Variants in PIEZO2 observed in about 807,000 individuals in gnomAD.
The protein encoded by PIEZO2 is piezo type mechanosensitive ion channel component 2.
Under a neutral mutation model 337.3 loss-of-function variants are expected in PIEZO2, and 172 were observed. The observed-to-expected ratio is 0.51, with a 90% CI of 0.45 to 0.58. The LOEUF (loss-of-function observed/expected upper bound fraction) is 0.58, where lower values mean the gene tolerates loss of function less well. Ranked by LOEUF, PIEZO2 falls within the 20% of genes least tolerant of loss-of-function variation. PIEZO2 has a pLI of 0.00. For missense variants in PIEZO2, 3,028 were observed against 3,391.3 expected (o/e 0.89, Z 2.66); for synonymous variants, 1,251 against 1,228.5 (o/e 1.02, Z -0.38).
Position 11,105,111 on chromosome 18 carries a change from C to G in PIEZO2, c.65-38889G>C, listed in dbSNP as rs2039522903. 6.6e-6 allele frequency among the ~76,000 whole-genome samples: 1 copy of G among 152,154 alleles called. No individual in the cohort carries two copies. The highest frequency in any genetic ancestry group is 1.5e-5 in the Non-Finnish European group (1 of 68,040). ...ACACCACCACAGAAGAAAACATAGC[C>G]AAGAAATGGAGAAGGGGAGTGAGGT... On this transcript the variant is annotated intron_variant, in intron 1 of 55. Coordinates refer to ENST00000674853, the MANE Select transcript of PIEZO2 (RefSeq NM_001378183.1). This position sits in a 1 kb window ranked among gnomAD's most constrained non-coding sequence, Gnocchi z 4.3.
At chr18:10,687,490 G>A (rs1458127614) in intron 49 of PIEZO2, among the ~76,000 whole-genome samples, 1 of 151,742 alleles carries the variant, frequency 6.6e-6, no homozygotes, top group Non-Finnish European at 1.5e-5. Context: ...ATAAGAATGT[G>A]CTTAGTCTTA....
At position 10,867,390 on chromosome 18, in the gene PIEZO2, T is replaced by A. The variant is rs558674487; in HGVS notation, c.492+3863A>T. Among the ~76,000 whole-genome samples the A allele has an allele frequency of 2.0e-4, 30 of 152,346 alleles. No homozygotes were observed. The South Asian group carries it at 3.7e-3, about 19-fold the overall frequency. On this transcript the variant is annotated intron_variant, in intron 5 of 55. Coordinates refer to ENST00000674853, the MANE Select transcript of PIEZO2 (RefSeq NM_001378183.1). Reference sequence around the variant, plus strand: ...GTCATGTGCTAGAATGCAGATGCTGTGACAGGCTAATAGACACTAGGAATT... The same window carrying A: ...GTCATGTGCTAGAATGCAGATGCTGAGACAGGCTAATAGACACTAGGAATT...
At chr18:11,067,602 A>T (rs147952335) in intron 1 of PIEZO2, among the ~76,000 whole-genome samples, 1 of 152,376 alleles carries the variant, frequency 6.6e-6, no homozygotes, top group Admixed American at 6.5e-5. Flanking sequence ...GACTTATATC[A>T]GATAAAATAG....
chr18:10,733,863 A>G (rs1355653001), intron 35 of PIEZO2, among the ~76,000 whole-genome samples: 1 of 152,244 alleles, frequency 6.6e-6, no homozygotes, highest in African/African-American at 2.4e-5. Flanking sequence ...GGAAATTTAC[A>G]TGAAAGACCT....
rs112892854 is a variant in PIEZO2, at chr18:10,813,257, G to C, written c.918-5983C>G. On this transcript the variant is annotated intron_variant, in intron 7 of 55. Coordinates refer to ENST00000674853, the MANE Select transcript of PIEZO2 (RefSeq NM_001378183.1). This position sits in a 1 kb window ranked among gnomAD's most constrained non-coding sequence, Gnocchi z 4.2. ...GCCTCCCAAAGTGCTGGCATTACAG[G>C]AGTGAGCCACCGCGCCCGGGCCATT... is the stretch of plus-strand genomic sequence containing the variant. Among the ~76,000 whole-genome samples the C allele has an allele frequency of 6.7e-3, 1,013 of 152,298 alleles. 11 individuals are homozygous for C. Among genetic ancestry groups the C allele is most frequent in the African/African-American group, 0.021 (881 of 41,568 alleles).
At chr18:10,709,236 C>G (rs1055836419) in intron 39 of PIEZO2, 1 of 152,222 alleles carries the variant, frequency 6.6e-6, no homozygotes, top group Non-Finnish European at 1.5e-5. Context: ...GCCCTCATCT[C>G]CTGGTACCCA....
intron 4 of PIEZO2, among the ~76,000 whole-genome samples, chr18:10,886,364 ATATATGTGTGTGTGTG>A (rs1238464958): frequency 1.0e-3 from 10 of 9,702 alleles, no homozygotes; most frequent in South Asian, 8.2e-3. Flanking sequence ...ACACACACAT[ATATATGTGTGTGTGTG>A]TATATATATA....
In PIEZO2 at chr18:10,746,621, G is replaced by A. The variant is rs2037433642; in HGVS notation, c.4424+1850C>T. Among the ~76,000 whole-genome samples, 1 of 152,176 alleles carries A rather than the reference G, an allele frequency of 6.6e-6. No individual in the cohort carries two copies. Among genetic ancestry groups the A allele is most frequent in the South Asian group, 2.1e-4 (1 of 4,830 alleles). On this transcript the variant is annotated intron_variant, in intron 30 of 55. Coordinates refer to ENST00000674853, the MANE Select transcript of PIEZO2 (RefSeq NM_001378183.1). This position sits in a 1 kb window ranked among gnomAD's most constrained non-coding sequence, Gnocchi z 4.2. ...ACATGTGGAAATCCTGACTCCCAAGGTGACGGACAGGAGGTAAGGCCTTTT... is the reference window on the plus strand; with the variant it reads ...ACATGTGGAAATCCTGACTCCCAAGATGACGGACAGGAGGTAAGGCCTTTT...
In PIEZO2 at chr18:10,809,260, C is replaced by CTTTTTTTTTT. The variant is rs869210659; in HGVS notation, c.918-1996_918-1987dup. On this transcript the variant is annotated intron_variant, in intron 7 of 55. Transcript: ENST00000674853. ...ACCTAAGATTTCTCTCTCTCTCTCTCTTTTTTTTTTTTTTTTTTTTTTTTT... is the reference window on the plus strand; with the variant it reads ...ACCTAAGATTTCTCTCTCTCTCTCTCTTTTTTTTTTTTTTTTTTTTTTTTTTTTTTTTTTT... Among the ~76,000 whole-genome samples, 24 of 65,834 alleles carry CTTTTTTTTTT rather than the reference C, an allele frequency of 3.6e-4. 3 individuals carry two copies. Among genetic ancestry groups the CTTTTTTTTTT allele is most frequent in the African/African-American group, 1.1e-3 (18 of 17,000 alleles). The allele number at this position is 65,834 out of a possible 152,430, so 43.2% of individuals were successfully genotyped here. A position where few individuals can be genotyped will look rare whatever the true frequency, so the allele number is the denominator to read the frequency against.
chr18:10,976,853 G>T (rs1286610923), intron 3 of PIEZO2, among the ~76,000 whole-genome samples: 1 of 152,140 alleles, frequency 6.6e-6, no homozygotes, highest in East Asian at 1.9e-4. Context: ...CAAGAGGCCA[G>T]CTGTGACTAC....
In PIEZO2 at chr18:10,877,794, C is replaced by T. The variant is rs1202202669; in HGVS notation, c.330-6379G>A. Among the ~76,000 whole-genome samples, 2 of 152,126 alleles carry T rather than the reference C, an allele frequency of 1.3e-5. No individual in the cohort carries two copies. Among genetic ancestry groups the T allele is most frequent in the Non-Finnish European group, 2.9e-5 (2 of 68,008 alleles). On this transcript the variant is annotated intron_variant, in intron 4 of 55. Coordinates refer to ENST00000674853, the MANE Select transcript of PIEZO2 (RefSeq NM_001378183.1). The surrounding 1 kb of genome is among the most constrained non-coding windows in gnomAD (Gnocchi z 5.3). ...AAAGCTGATCATGTCAACCCCACGG[C>T]CCCCAGGAAACATCCACATTCCTAA...
chr18:10,930,006 T>C (rs1282919138), intron 3 of PIEZO2, among the ~76,000 whole-genome samples: 7 of 152,154 alleles, frequency 4.6e-5, no homozygotes, highest in Admixed American at 4.6e-4. Flanking sequence ...ACAGAGATCC[T>C]AAGACTGACA....
chr18:11,117,555 C>G (rs1274248598), intron 1 of PIEZO2, among the ~76,000 whole-genome samples: 2 of 152,314 alleles, frequency 1.3e-5, no homozygotes, highest in East Asian at 3.9e-4. Context: ...TGTAACACAC[C>G]AAGTTCGTTT....
chr18:10,806,795 G>C (rs2144324529), intron 8 of PIEZO2, among the ~76,000 whole-genome samples: 2 of 152,274 alleles, frequency 1.3e-5, no homozygotes, highest in Admixed American at 1.3e-4. Context: ...ATTGATCAGA[G>C]TTGTTTAGTT....
At position 11,002,438 on chromosome 18, in the gene PIEZO2, A is replaced by G. The variant is rs1357839695; in HGVS notation, c.161-22778T>C. Among the ~76,000 whole-genome samples, 1 of 152,226 alleles carries G rather than the reference A, an allele frequency of 6.6e-6. No homozygotes were observed. The highest frequency in any genetic ancestry group is 1.5e-5 in the Non-Finnish European group (1 of 68,042). On this transcript the variant is annotated intron_variant, in intron 2 of 55. Transcript: ENST00000674853. This position sits in a 1 kb window ranked among gnomAD's most constrained non-coding sequence, Gnocchi z 4.3. ...ATTCCATTGATGATATCTGAGAGTCAGTCCTCACTTATGGGGAACAAACAA... is the reference window on the plus strand; with the variant it reads ...ATTCCATTGATGATATCTGAGAGTCGGTCCTCACTTATGGGGAACAAACAA...
intron 30 of PIEZO2, among the ~76,000 whole-genome samples, chr18:10,745,657 G>C (rs988174404): frequency 6.6e-6 from 1 of 152,034 alleles, no homozygotes; most frequent in Non-Finnish European, 1.5e-5. Context: ...CAGGCTGCTC[G>C]GTCTTTTTTA....
chr18:10,950,587 T>A (rs1185825573), intron 3 of PIEZO2, among the ~76,000 whole-genome samples: 4 of 152,240 alleles, frequency 2.6e-5, no homozygotes, highest in Non-Finnish European at 5.9e-5. Context: ...TGTGGCTTTA[T>A]CTATTTCCAG....
intron 7 of PIEZO2, among the ~76,000 whole-genome samples, chr18:10,822,164 CGTCT>C (rs1344117235): frequency 6.6e-6 from 1 of 152,110 alleles, no homozygotes; most frequent in East Asian, 1.9e-4. Flanking sequence ...TTTCTCTCAA[CGTCT>C]GCATTTAACT....
chr18:11,119,430 G>A (rs189508261), intron 1 of PIEZO2, among the ~76,000 whole-genome samples: 2 of 152,220 alleles, frequency 1.3e-5, no homozygotes, highest in Non-Finnish European at 2.9e-5. Context: ...GAGCCACCGC[G>A]CCCGGCCAAA....
Sources: gnomAD v4.1 joint callset for allele counts (sites outside exome capture counted in the v4.1 genomes callset) on GRCh38, gnomAD v4.1.1 for gene constraint, Gnocchi (gnomAD v3.1) non-coding constraint, MANE v1.5 for transcripts, NCBI Gene and HGNC (gene_info 2026-07-23, HGNC 2026-07-21) for gene names.